THTPA: variants seen among roughly 807,000 people sequenced by gnomAD.
THTPA encodes the protein thiamine triphosphatase.
THTPA carries 16 observed loss-of-function variants against 16.5 expected under a neutral mutation model. The ratio of observed to expected loss-of-function variants is 0.97; its 90% CI spans 0.66 to 1.47. The LOEUF is 1.47. THTPA is among the 40% of genes most tolerant of loss of function. THTPA has a pLI of 0.00. For synonymous variants in THTPA, 110 were observed against 115.5 expected (o/e 0.95, Z 0.30); for missense variants, 281 against 280.9 (o/e 1.00, Z 0.00).
At chr14:23,522,202 G>A in the THTPA span, 5 of 1,483,236 alleles carry the variant, frequency 3.4e-6, no homozygotes, top group Non-Finnish European at 3.6e-6. Context: ...AGTGGTAGGT[G>A]CAGATGGGCA....
the THTPA span, among the ~76,000 whole-genome samples, chr14:23,517,898 G>A: frequency 6.6e-6 from 1 of 152,120 alleles, no homozygotes; most frequent in African/African-American, 2.4e-5. Context: ...CTCCCCATAT[G>A]TTAATATTCA....
chr14:23,527,901 CTTTTTT>C, the THTPA span: 141 of 448,736 alleles, frequency 3.1e-4, no homozygotes, highest in Middle Eastern at 1.4e-3. Context: ...GCCCCCACTC[CTTTTTT>C]TTTTTTTTTT....
At chr14:23,551,017 T>G (rs1326543171), upstream of THTPA, among the ~76,000 whole-genome samples, 2 of 151,498 alleles carry the variant, frequency 1.3e-5, no homozygotes, top group Admixed American at 6.6e-5. The surrounding 1 kb of genome is among the most constrained non-coding windows in gnomAD (Gnocchi z 5.3). Context: ...CCGTCTAGGC[T>G]TTCCATACCC....
chr14:23,531,458 T>C, the THTPA span: 4 of 1,375,398 alleles, frequency 2.9e-6, no homozygotes, highest in Non-Finnish European at 2.8e-6. Context: ...CCAGCTCTTA[T>C]TCTCCAGTCC....
the THTPA span, chr14:23,534,230 C>T: frequency 1.3e-6 from 2 of 1,516,894 alleles, no homozygotes; most frequent in Non-Finnish European, 1.8e-6. This position sits in a 1 kb window ranked among gnomAD's most constrained non-coding sequence, Gnocchi z 4.5. Flanking sequence ...TCGCCTGCTG[C>T]TACTGGCGAT....
chr14:23,521,124 G>A, the THTPA span: 1 of 152,366 alleles, frequency 6.6e-6, no homozygotes, highest in East Asian at 1.9e-4. Flanking sequence ...GAGGATCTCT[G>A]TGTTTAAAGC....
the THTPA span, among the ~76,000 whole-genome samples, chr14:23,538,893 G>A: frequency 1.6e-4 from 24 of 152,198 alleles, no homozygotes; most frequent in African/African-American, 5.1e-4. Context: ...GTGAAGGGGC[G>A]CCACAGACGG....
At chr14:23,542,258 G>A in the THTPA span, 43 of 152,574 alleles carry the variant, frequency 2.8e-4, no homozygotes, top group African/African-American at 9.2e-4. Context: ...TGCTTAAGGT[G>A]GGCATGAGTA....
the THTPA span, chr14:23,528,815 C>T: frequency 1.0e-6 from 1 of 985,426 alleles, no homozygotes. Flanking sequence ...GGTGAGGCTG[C>T]CAGAGGCCCC....
At chr14:23,533,145 G>T in the THTPA span, 6 of 1,461,684 alleles carry the variant, frequency 4.1e-6, no homozygotes, top group African/African-American at 1.4e-5. The surrounding 1 kb of genome is among the most constrained non-coding windows in gnomAD (Gnocchi z 4.8). Flanking sequence ...GGTTCTCTAT[G>T]TGGGGAGGTG....
At chr14:23,548,866 C>T in the THTPA span, among the ~76,000 whole-genome samples, 1 of 152,196 alleles carries the variant, frequency 6.6e-6, no homozygotes, top group Non-Finnish European at 1.5e-5. Context: ...GCAGTGCTCT[C>T]GCTCTCTTCG....
chr14:23,521,804 G>C, the THTPA span: 97 of 1,287,152 alleles, frequency 7.5e-5, 1 homozygote, highest in South Asian at 5.0e-4. Context: ...TGCTGGAAGT[G>C]GGGTGTGTGG....
chr14:23,515,928 G>A, the THTPA span, among the ~76,000 whole-genome samples: 5 of 152,212 alleles, frequency 3.3e-5, no homozygotes, highest in Non-Finnish European at 1.5e-5. Context: ...AACGTGAGCA[G>A]AAGACCATGG....
rs528286397 is a variant in THTPA, at chr14:23,559,158, C to T, written c.*318C>T. ...AGCACAGGAAAATCCCTTGCCACCC[C>T]CCCTCCCTTGGTCGATGCCATTGAT... On this transcript the variant is annotated 3_prime_UTR_variant, in exon 2 of 2. Coordinates refer to ENST00000288014, the MANE Select transcript of THTPA (RefSeq NM_024328.6). The T allele has an allele frequency of 6.8e-6, 2 of 293,646 alleles. No homozygotes were observed. Among genetic ancestry groups the T allele is most frequent in the Non-Finnish European group, 1.3e-5 (2 of 155,506 alleles). 18.2% of individuals were successfully genotyped at this position (293,646 alleles called of 1,614,324 possible). A position where few individuals can be genotyped will look rare whatever the true frequency, so the allele number is the denominator to read the frequency against.
the THTPA span, chr14:23,525,514 A>G: frequency 8.5e-6 from 13 of 1,535,112 alleles, no homozygotes; most frequent in Non-Finnish European, 1.1e-5. This position sits in a 1 kb window ranked among gnomAD's most constrained non-coding sequence, Gnocchi z 5.9. Flanking sequence ...GCTTGTCCCC[A>G]CCCCCGAGGG....
chr14:23,524,387 C>T, the THTPA span: 1 of 1,536,190 alleles, frequency 6.5e-7, no homozygotes, highest in Non-Finnish European at 8.7e-7. The surrounding 1 kb of genome is among the most constrained non-coding windows in gnomAD (Gnocchi z 5.6). Flanking sequence ...GGGGGGCTCG[C>T]CCTCCCCTCC....
At chr14:23,524,550 G>C in the THTPA span, 1 of 1,530,746 alleles carries the variant, frequency 6.5e-7, no homozygotes, top group Non-Finnish European at 8.7e-7. The surrounding 1 kb of genome is among the most constrained non-coding windows in gnomAD (Gnocchi z 5.6). Flanking sequence ...GGAGCACTGG[G>C]CTGCAGAGAT....
the THTPA span, chr14:23,525,292 T>C: frequency 6.5e-7 from 1 of 1,535,316 alleles, no homozygotes. This position sits in a 1 kb window ranked among gnomAD's most constrained non-coding sequence, Gnocchi z 5.9. Flanking sequence ...CCAGGAAGGG[T>C]GGGCCCAGAT....
the THTPA span, chr14:23,534,836 A>AG: frequency 1.3e-6 from 2 of 1,536,064 alleles, no homozygotes; most frequent in Non-Finnish European, 1.7e-6. The surrounding 1 kb of genome is among the most constrained non-coding windows in gnomAD (Gnocchi z 4.5). Flanking sequence ...GTGAGGTGTG[A>AG]GGGGGGTGGG....
Sources: allele counts gnomAD v4.1 joint callset (sites outside exome capture counted in the v4.1 genomes callset), GRCh38; gene constraint gnomAD v4.1.1; non-coding constraint Gnocchi (gnomAD v3.1); transcripts MANE v1.5; gene names NCBI Gene and HGNC (gene_info 2026-07-23, HGNC 2026-07-21).